The following COL22A1 variants were observed in gnomAD, a reference collection of about 807,000 sequenced individuals.
COL22A1 encodes collagen alpha-1(XXII) chain.
A neutral mutation model predicts 248.9 loss-of-function variants in COL22A1; 221 were observed. That is an observed-to-expected ratio of 0.89 (90% CI 0.80 to 0.99). The LOEUF (loss-of-function observed/expected upper bound fraction) is 0.99. Among genes scored for constraint, COL22A1 ranks in the 50% least tolerant of loss-of-function variants. COL22A1 has a pLI of 0.00. For missense variants in COL22A1, 2,240 were observed against 2,179.0 expected (o/e 1.03, Z -0.56); for synonymous variants, 891 against 793.4 (o/e 1.12, Z -2.07).
At chr8:138,604,252 G>A in intron 59 of COL22A1, among the ~76,000 whole-genome samples, 1 of 152,162 alleles carries the variant, frequency 6.6e-6, no homozygotes, top group East Asian at 1.9e-4. Context: ...AGACCTGCAG[G>A]TTGTACTGCA....
At chr8:138,670,914 T>A (rs1019225665) in intron 41 of COL22A1, among the ~76,000 whole-genome samples, 6 of 124,492 alleles carry the variant, frequency 4.8e-5, no homozygotes, top group Non-Finnish European at 9.5e-5. Context: ...TGAGCCATGA[T>A]CACGCCACTG....
At chr8:138,720,150 G>T (rs540149664) in intron 27 of COL22A1, among the ~76,000 whole-genome samples, 1 of 152,232 alleles carries the variant, frequency 6.6e-6, no homozygotes, top group Admixed American at 6.5e-5. Context: ...CAAGTCACAT[G>T]CTGGGAAGCC....
chr8:138,821,369 T>G lies in COL22A1; in HGVS notation c.1012A>C (p.Asn338His). The change falls in exon 7 of 65, where the codon AAC becomes CAC. Residue 338 changes from asparagine to histidine, a missense_variant. Transcript: ENST00000303045. ...LDGENKAVEY[N>H]AVGAMKDAVR... ...GCATCTTTCATGGCACCCACAGCGT[T>G]GTACTCGACTGCCTTGTTTTCACCA... 1 of 1,614,030 alleles carries G rather than the reference T, an allele frequency of 6.2e-7. No individual in the cohort carries two copies. Among genetic ancestry groups the G allele is most frequent in the Admixed American group, 1.7e-5 (1 of 60,012 alleles).
chr8:138,746,157 T>C (rs990134612), intron 22 of COL22A1, among the ~76,000 whole-genome samples: 6 of 152,260 alleles, frequency 3.9e-5, no homozygotes, highest in Non-Finnish European at 8.8e-5. Context: ...TTATCCTGTC[T>C]GCCTGTTGCT....
At chr8:138,676,744 C>A in intron 40 of COL22A1, 109 bp from the exon 41 acceptor site, 3 of 812,618 alleles carry the variant, frequency 3.7e-6, no homozygotes, top group Non-Finnish European at 5.9e-6. Flanking sequence ...GCTTCTCCTG[C>A]CACCTGGCCT....
intron 47 of COL22A1, among the ~76,000 whole-genome samples, chr8:138,637,982 T>C (rs1017819387): frequency 2.0e-5 from 3 of 151,436 alleles, no homozygotes; most frequent in African/African-American, 7.3e-5. Context: ...TTCACCATCA[T>C]CATCGTCTAC....
intron 56 of COL22A1, 78 bp downstream of exon 56, chr8:138,613,789 G>T: frequency 7.9e-7 from 1 of 1,260,494 alleles, no homozygotes; most frequent in Non-Finnish European, 1.2e-6. Flanking sequence ...AGTGGCACCA[G>T]AGGGAACTAA....
intron 31 of COL22A1, 73 bp downstream of exon 31, chr8:138,703,233 A>G: frequency 7.7e-7 from 1 of 1,305,922 alleles, no homozygotes; most frequent in Non-Finnish European, 1.1e-6. Flanking sequence ...AAGTAGTGGC[A>G]GTTGCTGGAG....
intron 54 of COL22A1, among the ~76,000 whole-genome samples, chr8:138,616,431 CATA>C (rs1470349912): frequency 1.3e-5 from 2 of 152,204 alleles, no homozygotes; most frequent in African/African-American, 4.8e-5. Flanking sequence ...CCAGCTGACC[CATA>C]ATGTCACTTC....
At chr8:138,791,974 T>G (rs1294739057) in intron 12 of COL22A1, among the ~76,000 whole-genome samples, 1 of 152,232 alleles carries the variant, frequency 6.6e-6, no homozygotes, top group Non-Finnish European at 1.5e-5. Context: ...GTTTTATTTA[T>G]TGCCATATGG....
chr8:138,629,681 C>T (rs1279088220), intron 50 of COL22A1, among the ~76,000 whole-genome samples: 1 of 152,230 alleles, frequency 6.6e-6, no homozygotes, highest in East Asian at 1.9e-4. Flanking sequence ...TAACTCCCAA[C>T]TTGGACACTA....
At chr8:138,702,534 C>T (rs1460667266) in intron 31 of COL22A1, among the ~76,000 whole-genome samples, 1 of 151,398 alleles carries the variant, frequency 6.6e-6, no homozygotes, top group African/African-American at 2.4e-5. Flanking sequence ...AGGGCCAGCC[C>T]AAGAAGCCAT....
intron 30 of COL22A1, among the ~76,000 whole-genome samples, chr8:138,714,647 G>A (rs1829293887): frequency 6.6e-6 from 1 of 152,074 alleles, no homozygotes; most frequent in African/African-American, 2.4e-5. Flanking sequence ...CAATTACTCT[G>A]TCATTGAATT....
At chr8:138,716,083 C>A in intron 29 of COL22A1, 144 bp downstream of exon 29, 3 of 672,730 alleles carry the variant, frequency 4.5e-6, no homozygotes, top group Admixed American at 6.0e-5. Context: ...TCCCCTTCCC[C>A]GTCCCTTCCA....
chr8:138,625,354 A>G (rs536193730), intron 51 of COL22A1, among the ~76,000 whole-genome samples: 87 of 152,240 alleles, frequency 5.7e-4, no homozygotes, highest in African/African-American at 1.9e-3. Context: ...GGCTGGAACA[A>G]AAGAAGGCAC....
At chr8:138,704,452 C>T (rs1828239258) in intron 30 of COL22A1, among the ~76,000 whole-genome samples, 2 of 152,218 alleles carry the variant, frequency 1.3e-5, no homozygotes, top group Admixed American at 6.5e-5. Context: ...CAGGCAGCAA[C>T]ATTTGCTGTT....
chr8:138,629,838 C>T (rs1263528281), intron 50 of COL22A1, among the ~76,000 whole-genome samples: 1 of 152,138 alleles, frequency 6.6e-6, no homozygotes, highest in South Asian at 2.1e-4. Context: ...GCTAGCTGGC[C>T]TTGGAATATG....
intron 63 of COL22A1, 36 bp from the exon 64 acceptor site, chr8:138,591,537 C>A (rs745801842): frequency 6.3e-5 from 93 of 1,467,628 alleles, no homozygotes; most frequent in Non-Finnish European, 8.3e-5. Flanking sequence ...ATGGTGGAGA[C>A]CCCCGGGGAG....
chr8:138,638,759 A>T (rs940287798), intron 47 of COL22A1, among the ~76,000 whole-genome samples: 2 of 152,242 alleles, frequency 1.3e-5, no homozygotes, highest in African/African-American at 4.8e-5. Flanking sequence ...CAATGAAAAG[A>T]AGTGACACAG....
Sources: gnomAD v4.1 joint callset for allele counts (sites outside exome capture counted in the v4.1 genomes callset) on GRCh38, gnomAD v4.1.1 for gene constraint, MANE v1.5 for transcripts, NCBI Gene and HGNC (gene_info 2026-07-23, HGNC 2026-07-21) for gene names.